Variants in TAOK1 observed in about 807,000 individuals in gnomAD.
TAOK1 encodes the protein TAO kinase 1.
TAOK1 carries 21 observed loss-of-function variants against 138.3 expected under a neutral mutation model. The observed-to-expected ratio is 0.15, with a 90% confidence interval of 0.11 to 0.22. The LOEUF (loss-of-function observed/expected upper bound fraction) is 0.22. Ranked by LOEUF, TAOK1 falls within the 10% of genes least tolerant of loss-of-function variation. The pLI, the probability that TAOK1 is intolerant of heterozygous loss-of-function variation, is 1.00. For missense variants in TAOK1, 651 were observed against 1,227.7 expected, an observed-to-expected ratio of 0.53 and a Z score of 7.02; for synonymous variants, 361 against 398.4, an observed-to-expected ratio of 0.91 and a Z score of 1.12.
intron 1 of TAOK1, among the ~76,000 whole-genome samples, chr17:29,411,793 A>G (rs1905151129): frequency 1.3e-5 from 2 of 151,906 alleles, no homozygotes. Context: ...TTTTTTTTTT[A>G]ACCAATGTAT....
At position 29,457,770 on chromosome 17, in the gene TAOK1, C is replaced by A. The variant is rs557915953; in HGVS notation, c.132+6090C>A. 3.6e-4 allele frequency among the ~76,000 whole-genome samples: 55 copies of A among 152,020 alleles called. 2 individuals carry two copies. In the South Asian group the frequency reaches 0.011, roughly 29 times the overall value. On this transcript the variant is annotated intron_variant, in intron 2 of 19. Coordinates refer to ENST00000261716, the MANE Select transcript of TAOK1 (RefSeq NM_020791.4). ...GCAGAAACATATAAATAGTGTTTGA[C>A]TAAAGATCTGGGTACCATGGCCTAG...
intron 1 of TAOK1, among the ~76,000 whole-genome samples, chr17:29,436,459 C>T (rs1906033243): frequency 6.6e-6 from 1 of 152,218 alleles, no homozygotes; most frequent in Non-Finnish European, 1.5e-5. Context: ...GAGTCCTGTT[C>T]ATTTTCCTTT....
intron 1 of TAOK1, among the ~76,000 whole-genome samples, chr17:29,413,949 C>T (rs562873208): frequency 8.1e-6 from 1 of 123,960 alleles, no homozygotes; most frequent in East Asian, 2.8e-4. Flanking sequence ...GTGGCATGAT[C>T]TTGGCTCACT....
intron 8 of TAOK1, among the ~76,000 whole-genome samples, chr17:29,489,463 A>C (rs1444056914): frequency 6.6e-6 from 1 of 152,008 alleles, no homozygotes; most frequent in Non-Finnish European, 1.5e-5. Context: ...GTGCCACTGC[A>C]CTCCAGCCTG....
At position 29,434,985 on chromosome 17, in the gene TAOK1, A is replaced by T. The variant is rs1361458167; in HGVS notation, c.-94-16470A>T. Among the ~76,000 whole-genome samples the T allele has an allele frequency of 2.0e-5, 3 of 152,156 alleles. No individual in the cohort carries two copies. The East Asian group carries it at 5.8e-4, about 29-fold the overall frequency. Reference sequence around the variant, plus strand: ...AAAGGATGTCTTGTGACACACCCAGATAACTGGTGGCTCTAGTTATGCTTG... The same window carrying T: ...AAAGGATGTCTTGTGACACACCCAGTTAACTGGTGGCTCTAGTTATGCTTG... On this transcript the variant is annotated intron_variant, in intron 1 of 19. Transcript: ENST00000261716.
chr17:29,530,210 T>C (rs139286865), intron 17 of TAOK1, among the ~76,000 whole-genome samples, 197 bp from the exon 18 acceptor site: 108 of 152,312 alleles, frequency 7.1e-4, no homozygotes, highest in African/African-American at 2.5e-3. Context: ...GGTTTTTTGT[T>C]GTAAAACTGC....
Position 29,522,413 on chromosome 17 carries a change from A to T in TAOK1, c.2042A>T (p.Gln681Leu). ...ATGCGCTGTGAGTTGATCAGATTAC[A>T]GCATCAAACTGAGCTCACTAACCAG... ...QKMRCELIRL[Q>L]HQTELTNQLE... The change falls in exon 17 of 20, where the codon CAG becomes CTG. Residue 681 changes from glutamine to leucine, a missense_variant. Coordinates refer to ENST00000261716, the MANE Select transcript of TAOK1 (RefSeq NM_020791.4). 1 of 1,614,234 alleles carries T rather than the reference A, an allele frequency of 6.2e-7. No individual in the cohort carries two copies. The highest frequency in any genetic ancestry group is 8.5e-7 in the Non-Finnish European group (1 of 1,180,052).
intron 8 of TAOK1, among the ~76,000 whole-genome samples, chr17:29,488,412 CAT>C (rs2031218124): frequency 1.5e-5 from 2 of 129,282 alleles, no homozygotes; most frequent in Non-Finnish European, 3.7e-5. Flanking sequence ...CTCTACTAAA[CAT>C]ATAAAATTAG....
chr17:29,508,015 G>C lies in TAOK1; in HGVS notation c.1458G>C (p.Lys486Asn). The C allele has an allele frequency of 6.2e-7, 1 of 1,614,074 alleles. No individual in the cohort carries two copies. Residue 486 changes from lysine to asparagine, a missense_variant, in exon 14 of 20, where the codon AAG (lysine) becomes AAC (asparagine). By Grantham distance (94) the Lys-to-Asn change is moderately conservative (BLOSUM62 0). Around this residue, in one of 8 missense-constraint regions of TAOK1, gnomAD observed 258 missense variants for 548.9 expected, o/e 0.47. Coordinates refer to ENST00000261716, the MANE Select transcript of TAOK1 (RefSeq NM_020791.4). ...KQLMTLENKL[K>N]AEMDEHRLRL... The stretch of plus-strand genomic sequence containing the variant: ...TGATGACTCTGGAAAACAAGCTAAA[G>C]GCTGAGATGGATGAACATCGCCTCA...
At chr17:29,527,791 T>C (rs2032037460) in intron 17 of TAOK1, among the ~76,000 whole-genome samples, 1 of 152,222 alleles carries the variant, frequency 6.6e-6, no homozygotes, top group Admixed American at 6.5e-5. Context: ...TAGGATCAAC[T>C]GGTACACCTT....
At chr17:29,438,945 C>G (rs1398496772) in intron 1 of TAOK1, among the ~76,000 whole-genome samples, 1 of 151,994 alleles carries the variant, frequency 6.6e-6, no homozygotes, top group African/African-American at 2.4e-5. Flanking sequence ...GCCATTATAC[C>G]TTCATGAAAG....
chr17:29,517,456 C>A lies in TAOK1; in HGVS notation c.1708C>A (p.Leu570Ile). ...GAGTTGTTTTTTATGTTGCCAGGAG[C>A]TAAATGAAAACCAGAGTACCCCCAA... ...KLRKEQLKEE[L>I]NENQSTPKKE... The change falls in exon 16 of 20, where the codon CTA (leucine) becomes ATA (isoleucine). Residue 570 changes from leucine (L) to isoleucine (I), a missense_variant. Transcript: ENST00000261716. The A allele has an allele frequency of 6.2e-7, 1 of 1,613,206 alleles. No homozygotes were observed. The highest frequency in any genetic ancestry group is 8.5e-7 in the Non-Finnish European group (1 of 1,179,892).
chr17:29,404,849 ACCATT>A (rs1904950281), intron 1 of TAOK1, among the ~76,000 whole-genome samples: 2 of 152,136 alleles, frequency 1.3e-5, no homozygotes, highest in Admixed American at 1.3e-4. Flanking sequence ...AAAATACACT[ACCATT>A]CTGTATTTTA....
intron 7 of TAOK1, among the ~76,000 whole-genome samples, chr17:29,481,004 G>GC (rs1394017525): frequency 2.6e-5 from 4 of 151,968 alleles, no homozygotes. Context: ...GTTGCAAGCT[G>GC]CCCTAGCCAC....
rs188700745 is a variant in TAOK1 at position 29,457,788 on chromosome 17, T to C, written c.132+6108T>C. ...TGTTTGACTAAAGATCTGGGTACCA[T>C]GGCCTAGCCCAGTTGACAGATAAAA... is the stretch of plus-strand genomic sequence containing the variant. On this transcript the variant is annotated intron_variant, in intron 2 of 19. Coordinates refer to ENST00000261716, the MANE Select transcript of TAOK1 (RefSeq NM_020791.4). Among the ~76,000 whole-genome samples the C allele has an allele frequency of 3.9e-5, 6 of 152,036 alleles. No homozygotes were observed. In the East Asian group the frequency reaches 9.7e-4, roughly 25 times the overall value.
At chr17:29,463,741 C>A (rs563076941) in intron 2 of TAOK1, among the ~76,000 whole-genome samples, 28 of 152,256 alleles carry the variant, frequency 1.8e-4, no homozygotes, top group Admixed American at 2.6e-4. Context: ...ATAAATTGGA[C>A]TTCTTCAAGA....
intron 4 of TAOK1, among the ~76,000 whole-genome samples, chr17:29,476,971 G>A (rs2559620): frequency 0.62 from 94,295 of 151,674 alleles, 30,523 homozygotes; most frequent in East Asian, 0.97. Context: ...TAAGCTTCCC[G>A]AGTAGCTGGG....
intron 16 of TAOK1, among the ~76,000 whole-genome samples, chr17:29,518,052 C>T (rs754409055): frequency 1.3e-5 from 2 of 152,148 alleles, no homozygotes; most frequent in African/African-American, 4.8e-5. Flanking sequence ...CATGGGCTTT[C>T]GCCATGTTGG....
At chr17:29,479,047 C>T (rs2031003441) in intron 6 of TAOK1, among the ~76,000 whole-genome samples, 1 of 151,980 alleles carries the variant, frequency 6.6e-6, no homozygotes, top group Non-Finnish European at 1.5e-5. Context: ...ATCACTTGAG[C>T]CCGGGAGGCG....
Sources: gnomAD v4.1 joint callset for allele counts (sites outside exome capture counted in the v4.1 genomes callset) on GRCh38, gnomAD v4.1.1 for gene constraint, gnomAD v4.1.1 regional missense constraint, MANE v1.5 for transcripts, NCBI Gene and HGNC (gene_info 2026-07-23, HGNC 2026-07-21) for gene names.